Variants in EP400 observed in about 807,000 individuals in gnomAD.
The protein encoded by EP400 is E1A binding protein p400.
EP400 carries 105 observed loss-of-function variants against 354.1 expected under a neutral mutation model. That is an observed-to-expected ratio of 0.30 (90% CI 0.25 to 0.35). EP400 has a LOEUF of 0.35. Ranked by LOEUF, EP400 falls within the 10% of genes least tolerant of loss-of-function variation. The pLI is 1.00. For synonymous variants in EP400, 1,646 were observed against 1,716.9 expected (o/e 0.96, Z 1.02); for missense variants, 3,280 against 4,121.0 (o/e 0.80, Z 5.59).
chr12:132,003,093 C>G (rs1301991514), intron 12 of EP400, among the ~76,000 whole-genome samples: 7 of 151,418 alleles, frequency 4.6e-5, no homozygotes, highest in Admixed American at 4.6e-4. Context: ...CACCTGTAAT[C>G]CTGGCTGCTT....
intron 51 of EP400, among the ~76,000 whole-genome samples, chr12:132,073,959 C>T (rs1417101518): frequency 8.7e-6 from 1 of 114,350 alleles, no homozygotes; most frequent in East Asian, 2.8e-4. Context: ...GACGGAGGCT[C>T]ACTCTCCCAT....
At position 132,025,882 on chromosome 12, in the gene EP400, A is replaced by G; in HGVS notation, c.5014+78A>G. ...CATCTAAGGCGAGTGGAAAGCATTC[A>G]TGTGTCTTTGACTGTATCTCAGAAC... On this transcript the variant is annotated intron_variant, in intron 25 of 52. Coordinates refer to ENST00000389561, the MANE Select transcript of EP400 (RefSeq NM_015409.5). The surrounding 1 kb of genome is among the most constrained non-coding windows in gnomAD (Gnocchi z 4.1). The G allele has an allele frequency of 6.9e-7, 1 of 1,453,104 alleles. No individual in the cohort carries two copies. The highest frequency in any genetic ancestry group is 9.1e-7 in the Non-Finnish European group (1 of 1,102,392). 90.0% of individuals were successfully genotyped at this position (1,453,104 alleles called of 1,614,324 possible). A position where few individuals can be genotyped will look rare whatever the true frequency, so the allele number is the denominator to read the frequency against.
At chr12:131,956,952 A>G (rs1261749192) in intron 1 of EP400, among the ~76,000 whole-genome samples, 1 of 146,030 alleles carries the variant, frequency 6.8e-6, no homozygotes, top group Non-Finnish European at 1.5e-5. Flanking sequence ...GCTCACTGCA[A>G]CCTCCACCTC....
intron 39 of EP400, among the ~76,000 whole-genome samples, chr12:132,048,847 G>A (rs950929466): frequency 6.6e-6 from 1 of 152,202 alleles, no homozygotes; most frequent in Non-Finnish European, 1.5e-5. Context: ...ACCAGCCCTG[G>A]CTGTGGGTGA....
chr12:132,064,836 G>C lies in EP400; in HGVS notation c.8503G>C (p.Gly2835Arg). 6.2e-7 allele frequency: 1 copy of C among 1,612,226 alleles called. No individual in the cohort carries two copies. The highest frequency in any genetic ancestry group is 8.5e-7 in the Non-Finnish European group (1 of 1,179,622). The change falls in exon 48 of 53, where the codon GGT (glycine) becomes CGT (arginine). Residue 2835 changes from glycine (G) to arginine (R), a missense_variant. This residue lies in a region of EP400 where 86 missense variants were observed against 66.4 expected (regional missense o/e 1.29). Transcript: ENST00000389561. ...QLTTVTAPRP[G>R]ALLTGTTVAN... ...CACGACGGTCACGGCCCCAAGGCCT[G>C]GTGCCCTGCTGACGGGCACCACCGT...
In EP400 at chr12:131,960,484, CGG is replaced by C. The variant is rs1331623791; in HGVS notation, c.-35-100_-35-99del. 1.1e-5 allele frequency: 12 copies of C among 1,121,236 alleles called. No homozygotes were observed. In the African/African-American group the frequency reaches 1.6e-4, roughly 15 times the overall value. 69.5% of individuals were successfully genotyped at this position (1,121,236 alleles called of 1,614,324 possible). A position where few individuals can be genotyped will look rare whatever the true frequency, so the allele number is the denominator to read the frequency against. ...TCAGCTCTGTCGTTTGAATCAGATGCGGTGGGAATGTACTTTCAAAGTGTCTT... is the reference window on the plus strand; with the variant it reads ...TCAGCTCTGTCGTTTGAATCAGATGCTGGGAATGTACTTTCAAAGTGTCTT... On this transcript the variant is annotated intron_variant, in intron 1 of 52. Coordinates refer to ENST00000389561, the MANE Select transcript of EP400 (RefSeq NM_015409.5).
At chr12:131,963,292 T>C (rs1891963319) in intron 2 of EP400, among the ~76,000 whole-genome samples, 1 of 152,234 alleles carries the variant, frequency 6.6e-6, no homozygotes, top group Non-Finnish European at 1.5e-5. Context: ...AAGTTTGAAG[T>C]TGCAGAATCT....
chr12:132,013,067 G>C lies in EP400; in HGVS notation c.3500G>C (p.Arg1167Pro). The C allele has an allele frequency of 6.2e-7, 1 of 1,613,986 alleles. No homozygotes were observed. Among genetic ancestry groups the C allele is most frequent in the Non-Finnish European group, 8.5e-7 (1 of 1,180,006 alleles). The change falls in exon 17 of 53, where the codon CGG (arginine) becomes CCG (proline). Residue 1167 changes from arginine (R) to proline (P), a missense_variant. Physicochemically the swap from Arg to Pro is moderately radical, Grantham distance 103. This residue lies in a region of EP400 where 242 missense variants were observed against 357.9 expected (regional missense o/e 0.68). Coordinates refer to ENST00000389561, the MANE Select transcript of EP400 (RefSeq NM_015409.5). This position sits in a 1 kb window ranked among gnomAD's most constrained non-coding sequence, Gnocchi z 4.5. ...VCITSYTQFF[R>P]GLTAFTRVRW... ...ATCACGTCCTACACTCAGTTCTTCC[G>C]GGGCCTCACCGCCTTCACACGAGTG...
Position 132,067,053 on chromosome 12 carries a change from G to A in EP400, c.8749+84G>A, listed in dbSNP as rs537830797. On this transcript the variant is annotated intron_variant, in intron 49 of 52. Coordinates refer to ENST00000389561, the MANE Select transcript of EP400 (RefSeq NM_015409.5). The surrounding 1 kb of genome is among the most constrained non-coding windows in gnomAD (Gnocchi z 5.3). The stretch of plus-strand genomic sequence containing the variant: ...TGGTGGCAGTGGTCGCCAGCGACCC[G>A]TGTTCTTTCCTCACACCCACCCACT... The A allele has an allele frequency of 7.2e-5, 102 of 1,423,770 alleles. No individual in the cohort carries two copies. In the African/African-American group the frequency reaches 7.4e-4, roughly 10 times the overall value. 88.2% of individuals were successfully genotyped at this position (1,423,770 alleles called of 1,614,324 possible). A position where few individuals can be genotyped will look rare whatever the true frequency, so the allele number is the denominator to read the frequency against.
At chr12:132,037,622 C>A in intron 30 of EP400, 60 bp from the exon 31 acceptor site, 1 of 1,339,772 alleles carries the variant, frequency 7.5e-7, no homozygotes, top group Non-Finnish European at 1.1e-6. Context: ...ATGCTGTGCC[C>A]ACCTGTTGTC....
At chr12:132,006,923 T>TA in intron 15 of EP400, 46 bp downstream of exon 15, 2 of 1,606,002 alleles carry the variant, frequency 1.2e-6, no homozygotes, top group Non-Finnish European at 8.5e-7. Flanking sequence ...TGCTAGGACT[T>TA]ACCTATAGGC....
Position 131,981,330 on chromosome 12 carries a change from A to G in EP400, c.1436-159A>G, listed in dbSNP as rs150013532. On this transcript the variant is annotated intron_variant, in intron 3 of 52. Coordinates refer to ENST00000389561, the MANE Select transcript of EP400 (RefSeq NM_015409.5). ...TATATCGGCAACATTTTAATGAGAA[A>G]TTGTATTTATCAGCCTTATGTTTTA... 5.5e-4 allele frequency among the ~76,000 whole-genome samples: 84 copies of G among 152,288 alleles called. 1 individual carries two copies. In the South Asian group the frequency reaches 0.012, roughly 21 times the overall value.
chr12:132,058,467 T>G (rs1335616962), intron 45 of EP400, among the ~76,000 whole-genome samples: 2 of 151,018 alleles, frequency 1.3e-5, no homozygotes, highest in Non-Finnish European at 2.9e-5. Context: ...TTATTCTGCC[T>G]CAGCCTCCTG....
At position 131,958,487 on chromosome 12, in the gene EP400, T is replaced by C. The variant is rs574055723; in HGVS notation, c.-35-2098T>C. 2.6e-5 allele frequency among the ~76,000 whole-genome samples: 4 copies of C among 152,358 alleles called. No homozygotes were observed. In the East Asian group the frequency reaches 7.7e-4, roughly 29 times the overall value. On this transcript the variant is annotated intron_variant, in intron 1 of 52. Coordinates refer to ENST00000389561, the MANE Select transcript of EP400 (RefSeq NM_015409.5). ...TATGCTTGTGCATTTATAAATTCTG[T>C]AGTCTTTGATTTCATATATACATGT...
Position 132,044,593 on chromosome 12 carries a change from T to C in EP400, c.6586-78T>C. The stretch of plus-strand genomic sequence containing the variant: ...GAACTTATTTGAAAGACTTAATGAG[T>C]ATGAAGGTACATGATTTGTGGCTTA... On this transcript the variant is annotated intron_variant, in intron 35 of 52. Coordinates refer to ENST00000389561, the MANE Select transcript of EP400 (RefSeq NM_015409.5). 3 of 1,540,982 alleles carry C rather than the reference T, an allele frequency of 1.9e-6. No individual in the cohort carries two copies. The South Asian group carries it at 3.4e-5, about 17-fold the overall frequency.
At position 131,967,967 on chromosome 12, in the gene EP400, A is replaced by G. The variant is rs1892159328; in HGVS notation, c.1335+6013A>G. ...TCTCACCCATTTTTTCAGAGTTATTACTGCATTTGAAAATTCTTCACATAA... is the reference window on the plus strand; with the variant it reads ...TCTCACCCATTTTTTCAGAGTTATTGCTGCATTTGAAAATTCTTCACATAA... On this transcript the variant is annotated intron_variant, in intron 2 of 52. Coordinates refer to ENST00000389561, the MANE Select transcript of EP400 (RefSeq NM_015409.5). Among the ~76,000 whole-genome samples, 3 of 152,172 alleles carry G rather than the reference A, an allele frequency of 2.0e-5. No homozygotes were observed. In the South Asian group the frequency reaches 6.2e-4, roughly 32 times the overall value.
In EP400 at chr12:132,017,687, T is replaced by C; in HGVS notation, c.4076T>C (p.Leu1359Pro). Residue 1359 changes from leucine to proline, a missense_variant, in exon 20 of 53, where the codon CTA (leucine) becomes CCA (proline). Around this residue, in one of 20 missense-constraint regions of EP400, gnomAD observed 342 missense variants for 342.7 expected, o/e 1.00. Transcript: ENST00000389561. The surrounding 1 kb of genome is among the most constrained non-coding windows in gnomAD (Gnocchi z 5.0). ...CCACTGGAGTATCCGTCCGCATCTCTAATCCTGAAGGCACTGGAGAGAGAT... is the reference window on the plus strand; with the variant it reads ...CCACTGGAGTATCCGTCCGCATCTCCAATCCTGAAGGCACTGGAGAGAGAT... Reference protein sequence around the residue: ...AGPLEYPSASLILKALERDFW... With the variant: ...AGPLEYPSASPILKALERDFW... 1 of 1,558,814 alleles carries C rather than the reference T, an allele frequency of 6.4e-7. No homozygotes were observed. Among genetic ancestry groups the C allele is most frequent in the Non-Finnish European group, 8.7e-7 (1 of 1,151,964 alleles).
chr12:132,007,393 T>C (rs1186694108), intron 15 of EP400, among the ~76,000 whole-genome samples: 5 of 152,276 alleles, frequency 3.3e-5, no homozygotes, highest in Non-Finnish European at 7.3e-5. Context: ...CTGGGTACAC[T>C]GTGTGGGCTC....
chr12:132,062,647 C>A lies in EP400; in HGVS notation c.8280C>A (p.Ile2760=). The A allele has an allele frequency of 1.2e-6, 2 of 1,614,024 alleles. No individual in the cohort carries two copies. The highest frequency in any genetic ancestry group is 1.7e-6 in the Non-Finnish European group (2 of 1,179,946). Residue 2760 remains isoleucine (I), a synonymous_variant, in exon 47 of 53, where the codon ATC becomes ATA. Coordinates refer to ENST00000389561, the MANE Select transcript of EP400 (RefSeq NM_015409.5). Reference sequence around the variant, plus strand: ...CCTCTCAGGTGCAAGTTCCACAGATCCAGGGCCAGGCCCAGTCCCCAGCAC... The same window carrying A: ...CCTCTCAGGTGCAAGTTCCACAGATACAGGGCCAGGCCCAGTCCCCAGCAC... ...TTTSQVQVPQ[I]QGQAQSPAQI... is the part of the protein sequence containing the mutation.
Sources: allele counts gnomAD v4.1 joint callset (sites outside exome capture counted in the v4.1 genomes callset), GRCh38; gene constraint gnomAD v4.1.1; regional missense constraint gnomAD v4.1.1; non-coding constraint Gnocchi (gnomAD v3.1); transcripts MANE v1.5; gene names NCBI Gene and HGNC (gene_info 2026-07-23, HGNC 2026-07-21).